The following MYCBP variants were observed in gnomAD, a reference collection of about 807,000 sequenced individuals.
The protein encoded by MYCBP is C-Myc-binding protein.
A neutral mutation model predicts 16.8 loss-of-function variants in MYCBP; 5 were observed. That is an observed-to-expected ratio of 0.30 (90% CI 0.16 to 0.63). The LOEUF (loss-of-function observed/expected upper bound fraction) is 0.63, where lower values mean the gene tolerates loss of function less well. Among genes scored for constraint, MYCBP ranks in the 20% least tolerant of loss-of-function variants. The pLI, the probability that MYCBP is intolerant of heterozygous loss-of-function variation, is 0.83. For synonymous variants in MYCBP, 35 were observed against 43.7 expected, an observed-to-expected ratio of 0.80 and a Z score of 0.79; for missense variants, 103 against 121.8, an observed-to-expected ratio of 0.85 and a Z score of 0.73.
In MYCBP at chr1:38,866,983, G is replaced by C; in HGVS notation, c.164C>G (p.Ala55Gly). The C allele has an allele frequency of 6.2e-7, 1 of 1,611,278 alleles. No individual in the cohort carries two copies. Reference protein sequence around the residue: ...LDFLKHHLGAATPENPEIELL... With the variant: ...LDFLKHHLGAGTPENPEIELL... ...CTCTATTTCTGGATTTTCTGGAGTAGCAGCTCCTAAGTGATGCTTTAAAAA... is the reference window on the plus strand; with the variant it reads ...CTCTATTTCTGGATTTTCTGGAGTACCAGCTCCTAAGTGATGCTTTAAAAA... Residue 55 changes from alanine to glycine, a missense_variant, in exon 4 of 5, where the codon GCT (alanine) becomes GGT (glycine). Ala to Gly is a moderately conservative substitution (Grantham distance 60). Coordinates refer to ENST00000397572, the MANE Select transcript of MYCBP (RefSeq NM_012333.5).
chr1:38,864,815 T>C, intron 4 of MYCBP, 101 bp from the exon 5 acceptor site: 1 of 1,006,048 alleles, frequency 9.9e-7, no homozygotes, highest in South Asian at 1.4e-5. Context: ...TTACTGTCAG[T>C]AAATTGTATT....
intron 2 of MYCBP, 45 bp downstream of exon 2, chr1:38,872,973 G>C (rs1373333698): frequency 6.5e-7 from 1 of 1,547,164 alleles, no homozygotes; most frequent in Non-Finnish European, 8.7e-7. Context: ...CAGCGCCGGG[G>C]AGCACGACGA....
Position 38,863,422 on chromosome 1 carries a change from G to C in MYCBP, c.*1248C>G, listed in dbSNP as rs1642279257. On this transcript the variant is annotated 3_prime_UTR_variant, in exon 5 of 5. Transcript: ENST00000397572. ...ATGTCTATAAAACGACAGTCTACCA[G>C]TAAGGAAAATAAGTGATCCATAAAA... The C allele has an allele frequency of 6.6e-6, 1 of 152,180 alleles. No individual in the cohort carries two copies. Among genetic ancestry groups the C allele is most frequent in the Non-Finnish European group, 1.5e-5 (1 of 68,028 alleles). The allele number at this position is 152,180 out of a possible 1,614,324, so 9.4% of individuals were successfully genotyped here.
Position 38,873,335 on chromosome 1 carries a change from C to A in MYCBP, c.-30G>T, listed in dbSNP as rs116600579. The stretch of plus-strand genomic sequence containing the variant: ...ACAGCGGCAGCGGCGTAGCTGGCGC[C>A]GGAGACCGCGACTGGCGGGTTGGGA... On this transcript the variant is annotated 5_prime_UTR_variant, in exon 1 of 5. Coordinates refer to ENST00000397572, the MANE Select transcript of MYCBP (RefSeq NM_012333.5). 1.9e-6 allele frequency: 3 copies of A among 1,598,424 alleles called. No homozygotes were observed. The highest frequency in any genetic ancestry group is 2.5e-6 in the Non-Finnish European group (3 of 1,177,850).
At chr1:38,872,116 G>C (rs1411528368) in intron 2 of MYCBP, among the ~76,000 whole-genome samples, 1 of 152,220 alleles carries the variant, frequency 6.6e-6, no homozygotes, top group Admixed American at 6.5e-5. Context: ...TATGCTCCTA[G>C]AATTTTCCTC....
chr1:38,868,939 A>G (rs1434441726), intron 2 of MYCBP, among the ~76,000 whole-genome samples: 1 of 152,072 alleles, frequency 6.6e-6, no homozygotes, highest in Admixed American at 6.6e-5. Flanking sequence ...AAACAAAAAA[A>G]CAGTGATAGA....
chr1:38,866,281 C>A (rs1642336883), intron 4 of MYCBP, among the ~76,000 whole-genome samples: 1 of 152,018 alleles, frequency 6.6e-6, no homozygotes, highest in African/African-American at 2.4e-5. Context: ...CACCTGACCG[C>A]AGGTGATCTG....
intron 4 of MYCBP, 133 bp from the exon 5 acceptor site, chr1:38,864,847 C>G: frequency 1.3e-6 from 1 of 771,308 alleles, no homozygotes; most frequent in African/African-American, 1.8e-5. Context: ...CTATAACTAT[C>G]CATTTTAAAT....
Position 38,873,009 on chromosome 1 carries a change from C to G in MYCBP, c.88+9G>C. 1.3e-6 allele frequency: 2 copies of G among 1,570,674 alleles called. No individual in the cohort carries two copies. The highest frequency in any genetic ancestry group is 1.7e-6 in the Non-Finnish European group (2 of 1,158,014). Reference sequence around the variant, plus strand: ...GGGCACGAGGTACCCTCTCCTAGCCCAGGCTCACCCTTGGTCAGCGTGTCC... The same window carrying G: ...GGGCACGAGGTACCCTCTCCTAGCCGAGGCTCACCCTTGGTCAGCGTGTCC... On this transcript the variant is annotated intron_variant, in intron 2 of 4. Coordinates refer to ENST00000397572, the MANE Select transcript of MYCBP (RefSeq NM_012333.5).
chr1:38,867,421 C>T (rs1256288765), intron 3 of MYCBP, 141 bp downstream of exon 3: 3 of 698,196 alleles, frequency 4.3e-6, no homozygotes, highest in Non-Finnish European at 7.0e-6. Context: ...CATTCCCCAC[C>T]AGGTGACAGT....
At chr1:38,871,740 G>A (rs912825202) in intron 2 of MYCBP, among the ~76,000 whole-genome samples, 3 of 151,860 alleles carry the variant, frequency 2.0e-5, no homozygotes, top group African/African-American at 7.3e-5. Context: ...CCCTAACTTT[G>A]CTGTATTTTT....
chr1:38,869,018 T>C (rs952200919), intron 2 of MYCBP, among the ~76,000 whole-genome samples: 1 of 152,190 alleles, frequency 6.6e-6, no homozygotes, highest in Non-Finnish European at 1.5e-5. Flanking sequence ...TTTTAGAGTT[T>C]TAATAACTTA....
chr1:38,866,082 C>G (rs931692736), intron 4 of MYCBP, among the ~76,000 whole-genome samples: 9 of 54,322 alleles, frequency 1.7e-4, no homozygotes, highest in Non-Finnish European at 2.9e-4. Flanking sequence ...GAGTTTCATT[C>G]TTGTTGCCCA....
At position 38,868,683 on chromosome 1, in the gene MYCBP, A is replaced by G. The variant is rs552898594; in HGVS notation, c.89-1073T>C. On this transcript the variant is annotated intron_variant, in intron 2 of 4. Coordinates refer to ENST00000397572, the MANE Select transcript of MYCBP (RefSeq NM_012333.5). ...CACTTTGGGAGGCCAAGGCGGGCAGATCACGAAGTCAGGAGATCAAGACCA... is the reference window on the plus strand; with the variant it reads ...CACTTTGGGAGGCCAAGGCGGGCAGGTCACGAAGTCAGGAGATCAAGACCA... 1.3e-4 allele frequency among the ~76,000 whole-genome samples: 20 copies of G among 152,296 alleles called. 1 individual carries two copies. Among genetic ancestry groups the G allele is most frequent in the African/African-American group, 4.8e-4 (20 of 41,570 alleles).
chr1:38,871,170 G>A (rs1642456969), intron 2 of MYCBP, among the ~76,000 whole-genome samples: 1 of 152,140 alleles, frequency 6.6e-6, no homozygotes, highest in South Asian at 2.1e-4. Flanking sequence ...GAACCCGGAG[G>A]TGGAGGTTGC....
rs71057153 is a variant in MYCBP at position 38,866,044 on chromosome 1, C to CTTTTTTTTTTTTTTTTTT, written c.267+818_267+835dup. On this transcript the variant is annotated intron_variant, in intron 4 of 4. Coordinates refer to ENST00000397572, the MANE Select transcript of MYCBP (RefSeq NM_012333.5). ...TAGTAATACAGGTTCCTAAGAACCTCTTTTTTTTTTTTTTTTTTTTTGAGA... is the reference window on the plus strand; with the variant it reads ...TAGTAATACAGGTTCCTAAGAACCTCTTTTTTTTTTTTTTTTTTTTTTTTTTTTTTTTTTTTTTTGAGA... Among the ~76,000 whole-genome samples the CTTTTTTTTTTTTTTTTTT allele has an allele frequency of 2.0e-4, 13 of 65,720 alleles. 5 individuals are homozygous for CTTTTTTTTTTTTTTTTTT. The highest frequency in any genetic ancestry group is 7.9e-4 in the African/African-American group (10 of 12,652). 43.1% of individuals were successfully genotyped at this position (65,720 alleles called of 152,430 possible).
At chr1:38,868,625 G>A (rs932124430) in intron 2 of MYCBP, among the ~76,000 whole-genome samples, 2 of 152,162 alleles carry the variant, frequency 1.3e-5, no homozygotes, top group Admixed American at 6.6e-5. Flanking sequence ...AAAAAATGTG[G>A]CTGGGCGCAG....
chr1:38,868,713 G>A (rs189513087), intron 2 of MYCBP, among the ~76,000 whole-genome samples: 44 of 152,214 alleles, frequency 2.9e-4, no homozygotes, highest in African/African-American at 1.0e-3. Context: ...AGACCATCCT[G>A]GCTAACACAG....
Position 38,864,338 on chromosome 1 carries a change from G to T in MYCBP, c.*332C>A. The T allele has an allele frequency of 2.9e-6, 1 of 349,866 alleles. No homozygotes were observed. The highest frequency in any genetic ancestry group is 5.4e-6 in the Non-Finnish European group (1 of 184,702). The allele number at this position is 349,866 out of a possible 1,614,324, so 21.7% of individuals were successfully genotyped here. A position where few individuals can be genotyped will look rare whatever the true frequency, so the allele number is the denominator to read the frequency against. On this transcript the variant is annotated 3_prime_UTR_variant, in exon 5 of 5. Coordinates refer to ENST00000397572, the MANE Select transcript of MYCBP (RefSeq NM_012333.5). ...TGTTCATATCCTGAACTGCACCAAG[G>T]AATAGCTCCATGCTAAACTGTCTTG... is the stretch of plus-strand genomic sequence containing the variant.
Sources: allele counts gnomAD v4.1 joint callset (sites outside exome capture counted in the v4.1 genomes callset), GRCh38; gene constraint gnomAD v4.1.1; transcripts MANE v1.5; gene names NCBI Gene and HGNC (gene_info 2026-07-23, HGNC 2026-07-21).